TBC1D30: variants seen among roughly 807,000 people sequenced by gnomAD.
TBC1D30 encodes the protein TBC1 domain family, member 30.
In TBC1D30, 31 loss-of-function variants were observed where a neutral mutation model predicts 63.2. The ratio of observed to expected loss-of-function variants is 0.49; its 90% CI spans 0.37 to 0.66. The LOEUF is 0.66. Among genes scored for constraint, TBC1D30 ranks in the 30% least tolerant of loss-of-function variants. TBC1D30 has a pLI of 0.00. For synonymous variants in TBC1D30, 307 were observed against 361.5 expected, an observed-to-expected ratio of 0.85 and a Z score of 1.71; for missense variants, 810 against 953.6, an observed-to-expected ratio of 0.85 and a Z score of 1.98.
intron 1 of TBC1D30, among the ~76,000 whole-genome samples, chr12:64,765,144 G>T (rs11833898): frequency 1.3e-5 from 2 of 152,142 alleles, no homozygotes; most frequent in Non-Finnish European, 2.9e-5. Context: ...GGAAGACTAC[G>T]AAACCTAGAT....
chr12:64,824,564 G>T, upstream of TBC1D30: 1 of 294,468 alleles, frequency 3.4e-6, no homozygotes. Flanking sequence ...CCGGGATTGG[G>T]GGCGGGCACG....
At chr12:64,863,796 C>T (rs554452709) in intron 8 of TBC1D30, among the ~76,000 whole-genome samples, 1 of 152,154 alleles carries the variant, frequency 6.6e-6, no homozygotes, top group African/African-American at 2.4e-5. Flanking sequence ...TAAAAACAGT[C>T]CTGCTGAAAT....
intron 8 of TBC1D30, among the ~76,000 whole-genome samples, chr12:64,860,467 T>A (rs7960896): frequency 0.072 from 10,932 of 151,022 alleles, 763 homozygotes; most frequent in African/African-American, 0.18. Flanking sequence ...TTAAAGTATA[T>A]TACTTTTTTT....
intron 2 of TBC1D30, among the ~76,000 whole-genome samples, chr12:64,796,068 G>A (rs1337902777): frequency 6.6e-6 from 1 of 151,612 alleles, no homozygotes; most frequent in Non-Finnish European, 1.5e-5. Flanking sequence ...GAAACTGATT[G>A]AGCTTGCATA....
At chr12:64,818,390 T>C in intron 2 of TBC1D30, 1 of 983,782 alleles carries the variant, frequency 1.0e-6, no homozygotes, top group Non-Finnish European at 1.2e-6. Flanking sequence ...AAAGGACCTT[T>C]CACACAATCC....
At chr12:64,823,112 T>G (rs139494666), upstream of TBC1D30, among the ~76,000 whole-genome samples, 5 of 152,312 alleles carry the variant, frequency 3.3e-5, no homozygotes, top group East Asian at 5.8e-4. Context: ...TAAAGAAAAC[T>G]TAATTACTTT....
At chr12:64,826,442 G>T (rs1264388836) in intron 1 of TBC1D30, among the ~76,000 whole-genome samples, 1 of 152,140 alleles carries the variant, frequency 6.6e-6, no homozygotes, top group African/African-American at 2.4e-5. Context: ...ATAAGTCAGC[G>T]CGGGACCGAA....
rs1875387000 is a variant in TBC1D30, at chr12:64,836,643, A to G, written c.748A>G (p.Asn250Asp). ...CCTGGATACTCTTCAGAGAACTGCAAACAAAGAAAGTGGAGGTAGGTTTCA... is the reference window on the plus strand; with the variant it reads ...CCTGGATACTCTTCAGAGAACTGCAGACAAAGAAAGTGGAGGTAGGTTTCA... Reference protein sequence around the residue: ...QHLDTLQRTANKESGGGYEPP... With the variant: ...QHLDTLQRTADKESGGGYEPP... The change falls in exon 6 of 12, where the codon AAC becomes GAC. Residue 250 changes from asparagine to aspartate, a missense_variant. Physicochemically the swap from Asn to Asp is conservative, Grantham distance 23 (BLOSUM62 1). Around this residue, in one of 4 missense-constraint regions of TBC1D30, gnomAD observed 272 missense variants for 335.9 expected, o/e 0.81. Transcript: ENST00000539867. 6.5e-7 allele frequency: 1 copy of G among 1,534,564 alleles called. No homozygotes were observed. The highest frequency in any genetic ancestry group is 8.7e-7 in the Non-Finnish European group (1 of 1,145,786).
At chr12:64,808,888 T>C (rs1326831941) in intron 2 of TBC1D30, among the ~76,000 whole-genome samples, 1 of 152,172 alleles carries the variant, frequency 6.6e-6, no homozygotes, top group East Asian at 1.9e-4. Flanking sequence ...AACATGGATA[T>C]TTAAGGCTGA....
At chr12:64,770,982 G>A (rs1870887847) in intron 1 of TBC1D30, among the ~76,000 whole-genome samples, 1 of 151,798 alleles carries the variant, frequency 6.6e-6, no homozygotes, top group African/African-American at 2.4e-5. Flanking sequence ...CCAGTGCTGG[G>A]ATTATAGCCG....
chr12:64,817,074 C>T (rs1873585744), intron 2 of TBC1D30, among the ~76,000 whole-genome samples: 1 of 152,308 alleles, frequency 6.6e-6, no homozygotes, highest in East Asian at 1.9e-4. Context: ...GGAGCAAACA[C>T]AAAACTAATT....
intron 2 of TBC1D30, among the ~76,000 whole-genome samples, chr12:64,810,977 C>T (rs1015323443): frequency 3.3e-5 from 5 of 152,228 alleles, no homozygotes; most frequent in Admixed American, 2.6e-4. Context: ...TAGCTTCACT[C>T]TGTGCCATTC....
chr12:64,818,805 C>G (rs1459844636), intron 2 of TBC1D30: 1 of 152,082 alleles, frequency 6.6e-6, no homozygotes. Context: ...TTCTTAGTAC[C>G]GTGCCTTTCC....
chr12:64,821,455 C>A (rs565368817), upstream of TBC1D30, among the ~76,000 whole-genome samples: 101 of 152,292 alleles, frequency 6.6e-4, no homozygotes, highest in Non-Finnish European at 1.2e-3. Context: ...GGAAACCGAG[C>A]ATGAATAGCC....
intron 1 of TBC1D30, among the ~76,000 whole-genome samples, chr12:64,767,076 G>A (rs954775129): frequency 1.3e-5 from 2 of 151,864 alleles, no homozygotes; most frequent in African/African-American, 4.8e-5. Context: ...GGCTGTAAAT[G>A]CCTATATTTA....
chr12:64,836,393 C>T (rs985884993), intron 5 of TBC1D30, 97 bp from the exon 6 acceptor site: 9 of 977,648 alleles, frequency 9.2e-6, no homozygotes, highest in East Asian at 2.6e-5. Flanking sequence ...CTTTGGCTAA[C>T]AGCGTTTTAT....
At position 64,824,886 on chromosome 12, in the gene TBC1D30, C is replaced by G; in HGVS notation, c.7C>G (p.Gln3Glu). 1 of 1,533,304 alleles carries G rather than the reference C, an allele frequency of 6.5e-7. No homozygotes were observed. The highest frequency in any genetic ancestry group is 1.4e-5 in the African/African-American group (1 of 73,032). The allele number at this position is 1,533,304 out of a possible 1,614,324, so 95.0% of individuals were successfully genotyped here. Reference protein sequence around the residue: MRQDKLTGSLRRG... With the variant: MREDKLTGSLRRG... ...GAGCCCGGGGCGCTCTCGGATGCGG[C>G]AGGACAAGCTGACCGGGTCTCTGAG... Residue 3 changes from glutamine to glutamate, a missense_variant, in exon 1 of 12, where the codon CAG (glutamine) becomes GAG (glutamate). Gln to Glu is a conservative substitution (Grantham distance 29). This residue lies in a region of TBC1D30 where 272 missense variants were observed against 335.9 expected (regional missense o/e 0.81). Coordinates refer to ENST00000539867, the MANE Select transcript of TBC1D30 (RefSeq NM_015279.2).
intron 7 of TBC1D30, among the ~76,000 whole-genome samples, chr12:64,842,130 G>T (rs1203391823): frequency 6.6e-6 from 1 of 152,174 alleles, no homozygotes; most frequent in Non-Finnish European, 1.5e-5. Flanking sequence ...GGCCGAAGCA[G>T]GTGGATCACT....
At chr12:64,787,555 A>C (rs1462062042) in intron 2 of TBC1D30, among the ~76,000 whole-genome samples, 1 of 152,122 alleles carries the variant, frequency 6.6e-6, no homozygotes, top group African/African-American at 2.4e-5. Flanking sequence ...GTTTGCTTTC[A>C]TGAAACAATT....
Sources: gnomAD v4.1 joint callset for allele counts (sites outside exome capture counted in the v4.1 genomes callset) on GRCh38, gnomAD v4.1.1 for gene constraint, gnomAD v4.1.1 regional missense constraint, MANE v1.5 for transcripts, NCBI Gene and HGNC (gene_info 2026-07-23, HGNC 2026-07-21) for gene names.